The following TMPRSS15 variants were observed in gnomAD, a reference collection of about 807,000 sequenced individuals.
TMPRSS15 encodes the protein enteropeptidase.
A neutral mutation model predicts 125.3 loss-of-function variants in TMPRSS15; 128 were observed. The ratio of observed to expected loss-of-function variants is 1.02; its 90% confidence interval spans 0.89 to 1.18. TMPRSS15 has a LOEUF of 1.18. Among genes scored for constraint, TMPRSS15 ranks in the 50% most tolerant of loss-of-function variants. TMPRSS15 has a pLI of 0.00. For missense variants in TMPRSS15, 1,283 were observed against 1,212.7 expected (o/e 1.06, Z -0.86); for synonymous variants, 446 against 423.2 (o/e 1.05, Z -0.66).
chr21:18,457,857 A>G (rs1944680604), intron 1 of TMPRSS15, among the ~76,000 whole-genome samples: 1 of 152,170 alleles, frequency 6.6e-6, no homozygotes, highest in Admixed American at 6.6e-5. Context: ...TTTGTTGTTT[A>G]AATTCTGTGG....
chr21:18,483,258 G>A (rs913511088), intron 1 of TMPRSS15, among the ~76,000 whole-genome samples: 1 of 151,582 alleles, frequency 6.6e-6, no homozygotes, highest in Non-Finnish European at 1.5e-5. Flanking sequence ...GTGAGTTTCC[G>A]GCAGGGAAAA....
chr21:18,430,394 G>A (rs141029116), intron 1 of TMPRSS15, among the ~76,000 whole-genome samples: 1 of 152,062 alleles, frequency 6.6e-6, no homozygotes, highest in African/African-American at 2.4e-5. Context: ...CAAAGATCTA[G>A]TTACTTATTT....
At chr21:18,293,376 C>A (rs1204042323) in intron 21 of TMPRSS15, among the ~76,000 whole-genome samples, 1 of 152,164 alleles carries the variant, frequency 6.6e-6, no homozygotes, top group African/African-American at 2.4e-5. Context: ...GGTTCTGGAT[C>A]CTGGCTACAG....
At chr21:18,330,770 G>A (rs2075336254) in intron 14 of TMPRSS15, among the ~76,000 whole-genome samples, 1 of 152,098 alleles carries the variant, frequency 6.6e-6, no homozygotes, top group African/African-American at 2.4e-5. Flanking sequence ...TTGTTCAAAT[G>A]ATGTTTAAAA....
chr21:18,272,325 A>G lies in TMPRSS15; in HGVS notation c.2905-2201T>C, dbSNP rs569531750. ...ATTTCTCTAATGATCAGTGATGTTG[A>G]GTTTTTTTTTCACATTTGTTGCCTT... On this transcript the variant is annotated intron_variant, in intron 24 of 24. Transcript: ENST00000284885. Among the ~76,000 whole-genome samples, 4 of 151,522 alleles carry G rather than the reference A, an allele frequency of 2.6e-5. No homozygotes were observed. In the East Asian group the frequency reaches 7.7e-4, roughly 29 times the overall value.
intron 18 of TMPRSS15, among the ~76,000 whole-genome samples, chr21:18,305,284 G>A (rs9975548): frequency 2.7e-4 from 38 of 139,902 alleles, no homozygotes; most frequent in African/African-American, 9.3e-4. Context: ...CGCCTCCCGG[G>A]TTCACGCCAT....
intron 19 of TMPRSS15, among the ~76,000 whole-genome samples, chr21:18,295,032 T>A (rs73210245): frequency 0.078 from 11,879 of 152,280 alleles, 538 homozygotes; most frequent in Non-Finnish European, 0.1. Flanking sequence ...ATTGTTATGT[T>A]ACTTGAACCG....
At chr21:18,423,608 G>A (rs1205704796) in intron 1 of TMPRSS15, among the ~76,000 whole-genome samples, 4 of 150,868 alleles carry the variant, frequency 2.7e-5, no homozygotes, top group African/African-American at 7.3e-5. Context: ...TAGTAGAGAC[G>A]GGGTTTCACC....
intron 1 of TMPRSS15, among the ~76,000 whole-genome samples, chr21:18,411,360 G>A (rs1443160123): frequency 2.6e-5 from 4 of 151,512 alleles, no homozygotes; most frequent in Admixed American, 6.6e-5. Flanking sequence ...TTGAGCTTCA[G>A]TTTTCTACTT....
Position 18,436,985 on chromosome 21 carries a change from A to G in TMPRSS15, c.11-38656T>C, listed in dbSNP as rs1296279781. ...ATTGGAAAAAACTACTTTAAAGTTC[A>G]TATGGAACCAAAAAAGAGCCCGCAT... On this transcript the variant is annotated intron_variant, in intron 1 of 7. Coordinates refer to the TMPRSS15 transcript ENST00000422787. 1.4e-5 allele frequency among the ~76,000 whole-genome samples: 2 copies of G among 140,884 alleles called. 1 individual carries two copies. Among genetic ancestry groups the G allele is most frequent in the Non-Finnish European group, 3.1e-5 (2 of 65,094 alleles). 92.4% of individuals were successfully genotyped at this position (140,884 alleles called of 152,430 possible).
chr21:18,337,349 G>T (rs1208332353), intron 13 of TMPRSS15, among the ~76,000 whole-genome samples: 1 of 151,994 alleles, frequency 6.6e-6, no homozygotes, highest in Non-Finnish European at 1.5e-5. Flanking sequence ...AGTTTTAAAA[G>T]CCCCAGAAAT....
intron 17 of TMPRSS15, among the ~76,000 whole-genome samples, chr21:18,314,179 G>A (rs192008179): frequency 3.5e-4 from 53 of 152,176 alleles, no homozygotes; most frequent in African/African-American, 1.2e-3. Context: ...TTATACAAAC[G>A]TAGGTTCAAA....
intron 5 of TMPRSS15, among the ~76,000 whole-genome samples, chr21:18,378,783 C>A (rs2075866122): frequency 6.6e-6 from 1 of 151,922 alleles, no homozygotes; most frequent in Non-Finnish European, 1.5e-5. Context: ...GAAATTGGCA[C>A]ACCAAAGATA....
At chr21:18,315,314 G>T in intron 16 of TMPRSS15, 58 bp from the exon 17 acceptor site, 9 of 1,431,596 alleles carry the variant, frequency 6.3e-6, no homozygotes, top group Non-Finnish European at 8.8e-6. Context: ...GATGATTCTG[G>T]AGTACAAATC....
intron 6 of TMPRSS15, among the ~76,000 whole-genome samples, chr21:18,365,724 C>A (rs1414428355): frequency 8.4e-6 from 1 of 119,382 alleles, no homozygotes. Flanking sequence ...CTCTTTCTTT[C>A]TCTTCTTTCT....
intron 1 of TMPRSS15, among the ~76,000 whole-genome samples, chr21:18,443,864 A>T (rs146926345): frequency 3.3e-4 from 51 of 152,322 alleles, no homozygotes; most frequent in African/African-American, 1.2e-3. Context: ...GTGTGAACTC[A>T]GCCAGAGGGT....
At chr21:18,309,619 G>C (rs1332681301) in intron 18 of TMPRSS15, among the ~76,000 whole-genome samples, 1 of 152,010 alleles carries the variant, frequency 6.6e-6, no homozygotes, top group Admixed American at 6.6e-5. Flanking sequence ...GTGGGTGAAG[G>C]ATGCGAACAG....
chr21:18,455,442 G>A (rs1978423112), intron 1 of TMPRSS15, among the ~76,000 whole-genome samples: 2 of 152,124 alleles, frequency 1.3e-5, no homozygotes, highest in African/African-American at 4.8e-5. Context: ...CAACATTAGA[G>A]TTACATGAAA....
At chr21:18,474,373 C>A (rs147513300) in intron 1 of TMPRSS15, among the ~76,000 whole-genome samples, 2,340 of 151,954 alleles carry the variant, frequency 0.015, 60 homozygotes, top group African/African-American at 0.053. Context: ...TCACTGCAAC[C>A]TTCGCCTCTT....
Sources: allele counts gnomAD v4.1 joint callset (sites outside exome capture counted in the v4.1 genomes callset), GRCh38; gene constraint gnomAD v4.1.1; transcripts MANE v1.5; gene names NCBI Gene and HGNC (gene_info 2026-07-23, HGNC 2026-07-21).